The following DAGLA variants were observed in gnomAD, a reference collection of about 807,000 sequenced individuals.
The protein encoded by DAGLA is diacylglycerol lipase-alpha.
A neutral mutation model predicts 102.6 loss-of-function variants in DAGLA; 22 were observed. The ratio of observed to expected loss-of-function variants is 0.21; its 90% confidence interval spans 0.15 to 0.31. DAGLA has a LOEUF of 0.31. Ranked by LOEUF, DAGLA falls within the 10% of genes least tolerant of loss-of-function variation. The pLI, the probability that DAGLA is intolerant of heterozygous loss-of-function variation, is 1.00. For missense variants in DAGLA, 927 were observed against 1,446.6 expected (o/e 0.64, Z 5.83); for synonymous variants, 578 against 628.9 (o/e 0.92, Z 1.21).
chr11:61,727,173 A>G (rs953943351), intron 6 of DAGLA, among the ~76,000 whole-genome samples: 2 of 152,200 alleles, frequency 1.3e-5, no homozygotes, highest in African/African-American at 4.8e-5. Flanking sequence ...GCATGTTTTG[A>G]TCAGCGTGTG....
At chr11:61,741,111 T>C in intron 18 of DAGLA, 51 bp from the exon 19 acceptor site, 2 of 1,527,932 alleles carry the variant, frequency 1.3e-6, no homozygotes, top group East Asian at 2.3e-5. Context: ...GGCCCCACGA[T>C]GGGGCCTGAT....
At chr11:61,726,220 C>G in intron 6 of DAGLA, 138 bp downstream of exon 6, 1 of 772,542 alleles carries the variant, frequency 1.3e-6, no homozygotes, top group South Asian at 1.5e-5. Flanking sequence ...CAAGTATGGC[C>G]TGCTCACACA....
At chr11:61,735,407 A>T (rs1185458496) in intron 10 of DAGLA, among the ~76,000 whole-genome samples, 154 bp from the exon 11 acceptor site, 1 of 152,156 alleles carries the variant, frequency 6.6e-6, no homozygotes, top group Non-Finnish European at 1.5e-5. Flanking sequence ...GGAGATCCCC[A>T]GTGACCCTGG....
chr11:61,728,756 G>A (rs2065351421), intron 7 of DAGLA, among the ~76,000 whole-genome samples, 175 bp from the exon 8 acceptor site: 1 of 152,256 alleles, frequency 6.6e-6, no homozygotes, highest in South Asian at 2.1e-4. Flanking sequence ...GGAAATATGG[G>A]GAAACCTCAG....
At chr11:61,710,682 G>T (rs1023526926) in intron 1 of DAGLA, among the ~76,000 whole-genome samples, 1 of 152,138 alleles carries the variant, frequency 6.6e-6, no homozygotes, top group Non-Finnish European at 1.5e-5. Context: ...GGGCAGGTGT[G>T]GGTCAGCCTG....
chr11:61,744,067 G>A lies in DAGLA; in HGVS notation c.2707G>A (p.Gly903Arg), dbSNP rs750811195. 2.5e-6 allele frequency: 4 copies of A among 1,612,814 alleles called. No homozygotes were observed. The South Asian group carries it at 4.4e-5, about 18-fold the overall frequency. ...GCTGGCGCTGCACAATGGGCGCCTG[G>A]GGGACTCGCCCAGTCCTCAGGTGCT... ...GELALHNGRLGDSPSPQVLEF... is the reference protein window; with the variant it reads ...GELALHNGRLRDSPSPQVLEF... Residue 903 changes from glycine (G) to arginine (R), a missense_variant, in exon 20 of 20, where the codon GGG becomes AGG. Coordinates refer to ENST00000257215, the MANE Select transcript of DAGLA (RefSeq NM_006133.3).
Position 61,744,276 on chromosome 11 carries a change from C to T in DAGLA, c.2916C>T (p.Pro972=), listed in dbSNP as rs1200793525. 1 of 1,613,006 alleles carries T rather than the reference C, an allele frequency of 6.2e-7. No individual in the cohort carries two copies. Among genetic ancestry groups the T allele is most frequent in the Non-Finnish European group, 8.5e-7 (1 of 1,179,932 alleles). The change falls in exon 20 of 20, where the codon CCC becomes CCT. Residue 972 remains proline (P), a synonymous_variant. Coordinates refer to ENST00000257215, the MANE Select transcript of DAGLA (RefSeq NM_006133.3). ...TCGAGCCCAACCTGGTGCCCAAGCCCCCACGGCTCTTTGCCGGCTCAGCCG... is the reference window on the plus strand; with the variant it reads ...TCGAGCCCAACCTGGTGCCCAAGCCTCCACGGCTCTTTGCCGGCTCAGCCG... ...AQFEPNLVPK[P]PRLFAGSADP... is the part of the protein sequence containing the mutation.
intron 1 of DAGLA, among the ~76,000 whole-genome samples, chr11:61,700,833 G>A (rs1043211213): frequency 2.6e-5 from 4 of 152,284 alleles, no homozygotes; most frequent in East Asian, 1.9e-4. Context: ...CCAATAGCCC[G>A]ATCCTCAGGC....
At chr11:61,691,816 C>T (rs1025346828) in intron 1 of DAGLA, among the ~76,000 whole-genome samples, 1 of 152,230 alleles carries the variant, frequency 6.6e-6, no homozygotes, top group South Asian at 2.1e-4. Context: ...TGGGGGTAGT[C>T]TTGAGTCCTT....
intron 1 of DAGLA, among the ~76,000 whole-genome samples, chr11:61,697,945 C>A (rs998607876): frequency 1.3e-5 from 2 of 152,230 alleles, no homozygotes; most frequent in Admixed American, 1.3e-4. Context: ...ATTTCCTCCT[C>A]CCCTGGGAGT....
At position 61,722,953 on chromosome 11, in the gene DAGLA, C is replaced by A; in HGVS notation, c.402C>A (p.Val134=). The stretch of plus-strand genomic sequence containing the variant: ...GCAACGACCTCACTGCCAAGAATGT[C>A]ACCCTCGGTACGTCTGGGTGAGGCC... ...TSCNDLTAKN[V]TLGMVVCNWV... The change falls in exon 4 of 20, where the codon GTC becomes GTA. Residue 134 remains valine, a synonymous_variant. Transcript: ENST00000257215. The A allele has an allele frequency of 6.2e-7, 1 of 1,613,572 alleles. No individual in the cohort carries two copies. Among genetic ancestry groups the A allele is most frequent in the South Asian group, 1.1e-5 (1 of 91,064 alleles).
chr11:61,728,447 C>G (rs896837320), intron 7 of DAGLA, among the ~76,000 whole-genome samples, 160 bp downstream of exon 7: 1 of 152,308 alleles, frequency 6.6e-6, no homozygotes, highest in Admixed American at 6.5e-5. Context: ...CTCTGGCTCC[C>G]CCTGCCTTCC....
chr11:61,742,786 TCCTCCTTCCCTCCCTC>T (rs1455052139), intron 19 of DAGLA, among the ~76,000 whole-genome samples: 3 of 124,126 alleles, frequency 2.4e-5, no homozygotes, highest in Non-Finnish European at 3.4e-5. Context: ...CTCCCTCCCT[TCCTCCTTCCCTCCCTC>T]CCTCCTTCCC....
chr11:61,685,099 C>G (rs1018620345), intron 1 of DAGLA, among the ~76,000 whole-genome samples: 16 of 152,078 alleles, frequency 1.1e-4, no homozygotes, highest in Non-Finnish European at 1.9e-4. Flanking sequence ...CCCCTCCCCC[C>G]CATGACAGAA....
At chr11:61,705,625 T>C (rs1325391198) in intron 1 of DAGLA, among the ~76,000 whole-genome samples, 1 of 152,210 alleles carries the variant, frequency 6.6e-6, no homozygotes, top group Non-Finnish European at 1.5e-5. Context: ...TATGTGAAGG[T>C]TCACTTGAAG....
chr11:61,696,362 C>G (rs1473595238), intron 1 of DAGLA, among the ~76,000 whole-genome samples: 1 of 151,972 alleles, frequency 6.6e-6, no homozygotes, highest in Non-Finnish European at 1.5e-5. Flanking sequence ...TGGCTGCCTG[C>G]CTTCCACTCC....
intron 12 of DAGLA, 122 bp from the exon 13 acceptor site, chr11:61,736,148 G>T: frequency 1.3e-6 from 1 of 783,358 alleles, no homozygotes; most frequent in Non-Finnish European, 2.2e-6. Context: ...CCACAGCTGG[G>T]TTGTCACGAG....
At chr11:61,723,290 C>G (rs2065299263) in intron 4 of DAGLA, 144 bp from the exon 5 acceptor site, 10 of 1,199,578 alleles carry the variant, frequency 8.3e-6, no homozygotes, top group Non-Finnish European at 1.2e-5. Flanking sequence ...TGGCCAGAGA[C>G]TGGGACCAGG....
intron 15 of DAGLA, 80 bp downstream of exon 15, chr11:61,737,835 G>A (rs572212915): frequency 3.9e-5 from 40 of 1,030,528 alleles, no homozygotes; most frequent in South Asian, 3.8e-4. Flanking sequence ...CCCAGCCCCC[G>A]CATCTCTCTC....
Sources: gnomAD v4.1 joint callset for allele counts (sites outside exome capture counted in the v4.1 genomes callset) on GRCh38, gnomAD v4.1.1 for gene constraint, MANE v1.5 for transcripts, NCBI Gene and HGNC (gene_info 2026-07-23, HGNC 2026-07-21) for gene names.